The following DOK6 variants were observed in gnomAD, a reference collection of about 807,000 sequenced individuals.
DOK6 encodes docking protein 6, also known as downstream of tyrosine kinase 6.
A neutral mutation model predicts 44.0 loss-of-function variants in DOK6; 22 were observed. That is an observed-to-expected ratio of 0.50 (90% CI 0.36 to 0.71). The LOEUF is 0.71. Ranked by LOEUF, DOK6 falls within the 30% of genes least tolerant of loss-of-function variation. The pLI, the probability that DOK6 is intolerant of heterozygous loss-of-function variation, is 0.00. For missense variants in DOK6, 340 were observed against 416.4 expected (o/e 0.82, Z 1.60); for synonymous variants, 166 against 145.5 (o/e 1.14, Z -1.01).
chr18:69,426,825 T>C (rs997351100), intron 1 of DOK6, among the ~76,000 whole-genome samples: 2 of 152,194 alleles, frequency 1.3e-5, no homozygotes, highest in African/African-American at 4.8e-5. Context: ...GACTTTTTTG[T>C]ACTCTCCTTT....
chr18:69,511,974 A>G (rs1981378096), intron 1 of DOK6, among the ~76,000 whole-genome samples: 1 of 152,136 alleles, frequency 6.6e-6, no homozygotes, highest in South Asian at 2.1e-4. Flanking sequence ...GACTGATAAT[A>G]TCAGTTGGAT....
Position 69,401,163 on chromosome 18 carries a change from A to G in DOK6, c.-82A>G. On this transcript the variant is annotated 5_prime_UTR_variant, in exon 1 of 8. Coordinates refer to ENST00000382713, the MANE Select transcript of DOK6 (RefSeq NM_152721.6). ...CTGGCGGCGGCCGGCTGGATGCGAGACCCGCGCAGACCCGGCGGCGGACGG... is the reference window on the plus strand; with the variant it reads ...CTGGCGGCGGCCGGCTGGATGCGAGGCCCGCGCAGACCCGGCGGCGGACGG... 2.9e-6 allele frequency: 4 copies of G among 1,378,734 alleles called. No homozygotes were observed. Among genetic ancestry groups the G allele is most frequent in the Non-Finnish European group, 3.8e-6 (4 of 1,051,068 alleles). The allele number at this position is 1,378,734 out of a possible 1,614,324, so 85.4% of individuals were successfully genotyped here.
chr18:69,696,411 A>G (rs1333285332), intron 4 of DOK6, among the ~76,000 whole-genome samples: 1 of 152,204 alleles, frequency 6.6e-6, no homozygotes, highest in Non-Finnish European at 1.5e-5. Context: ...ATAAGCAACA[A>G]TAATACTGGT....
At chr18:69,681,553 G>GACAC (rs71176999) in intron 4 of DOK6, among the ~76,000 whole-genome samples, 9,877 of 151,038 alleles carry the variant, frequency 0.065, 318 homozygotes, top group African/African-American at 0.097. Flanking sequence ...TGCATAAACA[G>GACAC]ACACACACAC....
intron 1 of DOK6, among the ~76,000 whole-genome samples, chr18:69,478,844 T>C (rs1980340589): frequency 6.6e-6 from 1 of 152,190 alleles, no homozygotes; most frequent in Non-Finnish European, 1.5e-5. Flanking sequence ...CTGATGTTTT[T>C]TTCTCTGTAC....
At chr18:69,787,552 A>T (rs1227203968) in intron 7 of DOK6, among the ~76,000 whole-genome samples, 1 of 152,162 alleles carries the variant, frequency 6.6e-6, no homozygotes, top group African/African-American at 2.4e-5. Flanking sequence ...CCTGTTGTCC[A>T]GTGTGTGAAA....
chr18:69,663,084 C>A (rs1019393473), intron 3 of DOK6: 4 of 152,188 alleles, frequency 2.6e-5, no homozygotes, highest in Admixed American at 6.5e-5. Flanking sequence ...AGTCTGCCTG[C>A]AGAATCTGCT....
chr18:69,509,385 C>T (rs562795119), intron 1 of DOK6, among the ~76,000 whole-genome samples: 46 of 152,122 alleles, frequency 3.0e-4, no homozygotes, highest in Non-Finnish European at 5.9e-4. Context: ...CGCCTGTAAT[C>T]CCAGCACTTT....
chr18:69,571,491 G>T (rs1219205238), intron 2 of DOK6, among the ~76,000 whole-genome samples: 2 of 151,940 alleles, frequency 1.3e-5, no homozygotes, highest in African/African-American at 2.4e-5. Flanking sequence ...GTCTACAAAA[G>T]ATGCACATTA....
At chr18:69,763,654 A>G (rs1466566962) in intron 7 of DOK6, among the ~76,000 whole-genome samples, 10 of 152,190 alleles carry the variant, frequency 6.6e-5, no homozygotes, top group Non-Finnish European at 1.2e-4. Context: ...AAAAGAAAAC[A>G]AAAAACAAGG....
At chr18:69,700,457 G>A (rs535702574) in intron 5 of DOK6, among the ~76,000 whole-genome samples, 1 of 151,916 alleles carries the variant, frequency 6.6e-6, no homozygotes. Flanking sequence ...CATGAAGAAT[G>A]GTTATTCAGA....
At chr18:69,795,290 C>A (rs1790956) in intron 7 of DOK6, among the ~76,000 whole-genome samples, 69,790 of 151,856 alleles carry the variant, frequency 0.46, 18,225 homozygotes, top group East Asian at 0.65. Context: ...AAGATAGACA[C>A]CAGACGATGG....
At chr18:69,835,356 T>C (rs574629185) in intron 7 of DOK6, among the ~76,000 whole-genome samples, 14 of 151,916 alleles carry the variant, frequency 9.2e-5, no homozygotes, top group Admixed American at 4.6e-4. Context: ...TCCCAGCTAC[T>C]GGGGAGGCTG....
At chr18:69,588,657 C>A (rs986074866) in intron 2 of DOK6, among the ~76,000 whole-genome samples, 2 of 152,092 alleles carry the variant, frequency 1.3e-5, no homozygotes, top group Non-Finnish European at 2.9e-5. Context: ...CCCACCAGGA[C>A]ACACACTGGC....
intron 7 of DOK6, among the ~76,000 whole-genome samples, chr18:69,812,233 A>C (rs563221786): frequency 2.6e-5 from 4 of 152,112 alleles, no homozygotes; most frequent in African/African-American, 9.7e-5. Flanking sequence ...CCAGAGTTAC[A>C]TACTCTCAGC....
chr18:69,690,264 C>A (rs992674646), intron 4 of DOK6, among the ~76,000 whole-genome samples: 1 of 151,982 alleles, frequency 6.6e-6, no homozygotes, highest in Admixed American at 6.6e-5. Context: ...CGACACTGAG[C>A]AGATGGCACC....
intron 1 of DOK6, among the ~76,000 whole-genome samples, chr18:69,504,663 T>C (rs1469640358): frequency 6.6e-6 from 1 of 152,148 alleles, no homozygotes; most frequent in African/African-American, 2.4e-5. Flanking sequence ...TTTTCTTCAA[T>C]AAAAGTGACA....
In DOK6 at chr18:69,556,291, G is replaced by T. The variant is rs1388448266; in HGVS notation, c.67-8196G>T. Among the ~76,000 whole-genome samples the T allele has an allele frequency of 2.6e-5, 4 of 151,962 alleles. No homozygotes were observed. The East Asian group carries it at 5.8e-4, about 22-fold the overall frequency. The stretch of plus-strand genomic sequence containing the variant: ...GCAGTTCAGAAGCTCCCACATCAGG[G>T]TATTTACCTGTGCAATTCTCTCTGG... On this transcript the variant is annotated intron_variant, in intron 1 of 7. Coordinates refer to ENST00000382713, the MANE Select transcript of DOK6 (RefSeq NM_152721.6).
chr18:69,401,484 G>T (rs996946230), intron 1 of DOK6, among the ~76,000 whole-genome samples, 174 bp downstream of exon 1: 1 of 152,006 alleles, frequency 6.6e-6, no homozygotes, highest in Non-Finnish European at 1.5e-5. Flanking sequence ...CTGCCGGGGG[G>T]CTCCGCAGAC....
Sources: allele counts gnomAD v4.1 joint callset (sites outside exome capture counted in the v4.1 genomes callset), GRCh38; gene constraint gnomAD v4.1.1; transcripts MANE v1.5; gene names NCBI Gene and HGNC (gene_info 2026-07-23, HGNC 2026-07-21).